SLMAP: variants seen among roughly 807,000 people sequenced by gnomAD.
The protein encoded by SLMAP is sarcolemmal membrane-associated protein.
A neutral mutation model predicts 128.8 loss-of-function variants in SLMAP; 44 were observed. That is an observed-to-expected ratio of 0.34 (90% CI 0.27 to 0.44). The LOEUF is 0.44. Among genes scored for constraint, SLMAP ranks in the 20% least tolerant of loss-of-function variants. The pLI is 1.00. For synonymous variants in SLMAP, 327 were observed against 348.8 expected (o/e 0.94, Z 0.70); for missense variants, 787 against 985.3 (o/e 0.80, Z 2.69).
intron 17 of SLMAP, among the ~76,000 whole-genome samples, chr3:57,902,758 G>A (rs570223658): frequency 7.9e-5 from 12 of 152,290 alleles, no homozygotes; most frequent in African/African-American, 2.6e-4. Context: ...GGAAGAAAAG[G>A]TGTCCTGGTG....
chr3:57,885,970 G>A (rs2095874978), intron 14 of SLMAP, among the ~76,000 whole-genome samples: 1 of 149,528 alleles, frequency 6.7e-6, no homozygotes, highest in Non-Finnish European at 1.5e-5. Flanking sequence ...TTTTAGTAGA[G>A]ACGGGGTTTC....
chr3:57,858,268 ATTCTTTTAAATCTTTTG>A (rs1404314061), intron 8 of SLMAP, 109 bp downstream of exon 8: 1 of 689,070 alleles, frequency 1.5e-6, no homozygotes, highest in Admixed American at 2.4e-5. Context: ...CATTTCCACA[ATTCTTTTAAATCTTTTG>A]TGCTGAGAAA....
chr3:57,801,664 A>G (rs761204961), intron 2 of SLMAP, among the ~76,000 whole-genome samples: 2 of 147,632 alleles, frequency 1.4e-5, no homozygotes, highest in African/African-American at 5.0e-5. Flanking sequence ...TTTAACTATT[A>G]TAAATCATGC....
At chr3:57,856,037 C>T (rs1010878193) in intron 6 of SLMAP, among the ~76,000 whole-genome samples, 5 of 150,284 alleles carry the variant, frequency 3.3e-5, no homozygotes, top group Admixed American at 2.7e-4. Context: ...AGAGAGACTT[C>T]GTCTCAGAAA....
intron 3 of SLMAP, among the ~76,000 whole-genome samples, chr3:57,835,419 A>G (rs1371164805): frequency 1.3e-5 from 2 of 152,146 alleles, no homozygotes; most frequent in Non-Finnish European, 2.9e-5. Flanking sequence ...TGTTCATGCC[A>G]TTGCACTCCA....
At chr3:57,815,837 TAAAGG>T (rs2091785261) in intron 2 of SLMAP, among the ~76,000 whole-genome samples, 1 of 152,112 alleles carries the variant, frequency 6.6e-6, no homozygotes, top group Non-Finnish European at 1.5e-5. Context: ...CCTTTACCAT[TAAAGG>T]AAAGTCCTGA....
rs1427739920 is a variant in SLMAP at position 57,855,514 on chromosome 3, G to T, written c.520-2219G>T. Among the ~76,000 whole-genome samples the T allele has an allele frequency of 5.3e-5, 8 of 152,114 alleles. No homozygotes were observed. In the East Asian group the frequency reaches 1.4e-3, roughly 26 times the overall value. On this transcript the variant is annotated intron_variant, in intron 6 of 24. Coordinates refer to ENST00000671191, the MANE Select transcript of SLMAP (RefSeq NM_001377540.1). ...GAGTGGTAAGTGAATGTGAAGGCCT[G>T]TGACATTACTGGACATTACTGTAGA...
intron 2 of SLMAP, among the ~76,000 whole-genome samples, chr3:57,806,431 A>ATTTTC (rs1416662713): frequency 4.0e-5 from 6 of 151,054 alleles, no homozygotes; most frequent in Admixed American, 1.3e-4. Context: ...TATGTACCAC[A>ATTTTC]TTTTCTTTTC....
At chr3:57,792,635 T>G (rs183595944) in intron 2 of SLMAP, among the ~76,000 whole-genome samples, 43 of 152,234 alleles carry the variant, frequency 2.8e-4, no homozygotes, top group Non-Finnish European at 1.6e-4. Context: ...GAATTCTGAG[T>G]GTGTAGGTAT....
chr3:57,907,026 C>T (rs775473856), intron 17 of SLMAP, among the ~76,000 whole-genome samples: 1 of 150,666 alleles, frequency 6.6e-6, no homozygotes, highest in East Asian at 1.9e-4. Context: ...GTTGTTGTTG[C>T]GGTTTTTTTT....
intron 14 of SLMAP, among the ~76,000 whole-genome samples, chr3:57,873,102 C>A (rs1297692009): frequency 6.6e-6 from 1 of 152,188 alleles, no homozygotes. Context: ...TAATAGTTTT[C>A]ACAGAGCTTC....
chr3:57,896,754 T>C, intron 16 of SLMAP, 119 bp from the exon 17 acceptor site: 1 of 1,393,692 alleles, frequency 7.2e-7, no homozygotes, highest in Non-Finnish European at 9.7e-7. Context: ...TTAAAACTAC[T>C]TTCAACTACC....
At chr3:57,847,075 C>T in intron 4 of SLMAP, 122 bp from the exon 5 acceptor site, 1 of 646,800 alleles carries the variant, frequency 1.5e-6, no homozygotes, top group Non-Finnish European at 2.7e-6. Context: ...AATAGTTCAC[C>T]TTTTTTTAAT....
At chr3:57,825,690 T>G (rs1248213599) in intron 2 of SLMAP, among the ~76,000 whole-genome samples, 1 of 152,138 alleles carries the variant, frequency 6.6e-6, no homozygotes, top group Non-Finnish European at 1.5e-5. Flanking sequence ...GTTCTTCCTA[T>G]AGCCCCAGAC....
At position 57,928,058 on chromosome 3, in the gene SLMAP, A is replaced by T. The variant is rs1183176942; in HGVS notation, c.*769A>T. On this transcript the variant is annotated 3_prime_UTR_variant, in exon 25 of 25. Coordinates refer to ENST00000671191, the MANE Select transcript of SLMAP (RefSeq NM_001377540.1). ...TGACTTGAAGATGTGGAGGACATCA[A>T]CTTTGAAAAACTTTCCATGAGAGTG... 1 of 152,596 alleles carries T rather than the reference A, an allele frequency of 6.6e-6. No homozygotes were observed. The highest frequency in any genetic ancestry group is 1.5e-5 in the Non-Finnish European group (1 of 68,034). The allele number at this position is 152,596 out of a possible 1,614,324, so 9.5% of individuals were successfully genotyped here. A position where few individuals can be genotyped will look rare whatever the true frequency, so the allele number is the denominator to read the frequency against.
chr3:57,868,893 T>C (rs2095387576), intron 13 of SLMAP, among the ~76,000 whole-genome samples: 2 of 137,690 alleles, frequency 1.5e-5, no homozygotes, highest in Non-Finnish European at 3.1e-5. Context: ...ATATATATTA[T>C]ATATATTATA....
chr3:57,797,009 G>A (rs1225020202), intron 2 of SLMAP, among the ~76,000 whole-genome samples: 5 of 149,378 alleles, frequency 3.3e-5, no homozygotes, highest in Non-Finnish European at 7.4e-5. Context: ...TAGGACCCCC[G>A]TCTCTATAAT....
intron 9 of SLMAP, among the ~76,000 whole-genome samples, chr3:57,861,737 T>C (rs2095074772): frequency 6.6e-6 from 1 of 152,220 alleles, no homozygotes; most frequent in South Asian, 2.1e-4. Flanking sequence ...TTTTATTTTT[T>C]TGTTGTTTTT....
intron 8 of SLMAP, among the ~76,000 whole-genome samples, chr3:57,860,438 A>G (rs1233373801): frequency 6.6e-6 from 1 of 152,174 alleles, no homozygotes; most frequent in Non-Finnish European, 1.5e-5. Context: ...AAAAGTAACT[A>G]ATTTTGTATA....
Sources: gnomAD v4.1 joint callset for allele counts (sites outside exome capture counted in the v4.1 genomes callset) on GRCh38, gnomAD v4.1.1 for gene constraint, MANE v1.5 for transcripts, NCBI Gene and HGNC (gene_info 2026-07-23, HGNC 2026-07-21) for gene names.